The following THOC2 variants were observed in gnomAD, a reference collection of about 807,000 sequenced individuals.
THOC2 encodes THO complex subunit 2.
THOC2 carries 10 observed loss-of-function variants against 128.4 expected under a neutral mutation model. The ratio of observed to expected loss-of-function variants is 0.08; its 90% CI spans 0.05 to 0.13. The LOEUF is 0.13. Ranked by LOEUF, THOC2 falls within the 10% of genes least tolerant of loss-of-function variation. The pLI, the probability that THOC2 is intolerant of heterozygous loss-of-function variation, is 1.00. For missense variants in THOC2, 535 were observed against 1,155.7 expected, an observed-to-expected ratio of 0.46 and a Z score of 7.79; for synonymous variants, 393 against 396.9, an observed-to-expected ratio of 0.99 and a Z score of 0.12.
At chrX:123,730,598 C>T (rs1179052943) in intron 1 of THOC2, among the ~76,000 whole-genome samples, 1 of 112,085 alleles carries the variant, frequency 8.9e-6, no homozygotes, top group East Asian at 2.8e-4. Flanking sequence ...CGATCTCCTA[C>T]ATCACTTTTT....
In THOC2 at chrX:123,631,745, A is replaced by G; in HGVS notation, c.2424T>C (p.His808=). ...PSIDVLCNEF[H]TPHDAAFFLS... ...GGAAAAATGCTGCATCATGGGGTGT[A>G]TGAAATTCATTACAGAGTACATCAA... Residue 808 remains histidine, a synonymous_variant, in exon 22 of 39, where the codon CAT becomes CAC. Coordinates refer to ENST00000245838, the MANE Select transcript of THOC2 (RefSeq NM_001081550.2). 1 of 1,210,006 alleles carries G rather than the reference A, an allele frequency of 8.3e-7. No homozygotes were observed. The highest frequency in any genetic ancestry group is 1.1e-6 in the Non-Finnish European group (1 of 893,878).
At chrX:123,658,572 T>G (rs1301405298) in intron 12 of THOC2, among the ~76,000 whole-genome samples, 1 of 112,223 alleles carries the variant, frequency 8.9e-6, no homozygotes, top group Non-Finnish European at 1.9e-5. Flanking sequence ...ATGTGTATAA[T>G]TTTACTAAGT....
intron 33 of THOC2, among the ~76,000 whole-genome samples, chrX:123,618,323 C>T (rs749973006): frequency 1.4e-4 from 16 of 111,879 alleles, no homozygotes; most frequent in Non-Finnish European, 2.6e-4. Flanking sequence ...CTTCTCCCAG[C>T]ATAGCTGAGA....
intron 1 of THOC2, among the ~76,000 whole-genome samples, chrX:123,721,213 C>G (rs749378079): frequency 9.1e-6 from 1 of 109,333 alleles, no homozygotes; most frequent in African/African-American, 3.3e-5. Flanking sequence ...TGCTCTGTCT[C>G]CCAGGCTGGA....
intron 8 of THOC2, among the ~76,000 whole-genome samples, chrX:123,675,374 C>T (rs893080025): frequency 9.0e-6 from 1 of 111,628 alleles, no homozygotes; most frequent in Non-Finnish European, 1.9e-5. Context: ...GGCACAGTGA[C>T]TCACACCTGT....
chrX:123,622,595 C>G (rs2047127100), intron 30 of THOC2, among the ~76,000 whole-genome samples, 163 bp downstream of exon 30: 1 of 111,507 alleles, frequency 9.0e-6, no homozygotes, highest in Non-Finnish European at 1.9e-5. Flanking sequence ...GCTCATGCCT[C>G]TAATTCCAGC....
At chrX:123,700,513 TGGGGGCGGCGGGG>T (rs1470398987) in intron 4 of THOC2, among the ~76,000 whole-genome samples, 1 of 7,708 alleles carries the variant, frequency 1.3e-4, no homozygotes, top group Non-Finnish European at 2.3e-4. Context: ...GGGGCGGGGC[TGGGGGCGGCGGGG>T]GGGAGGTGGT....
chrX:123,730,317 TAC>T (rs2052182838), intron 1 of THOC2, among the ~76,000 whole-genome samples: 1 of 111,574 alleles, frequency 9.0e-6, no homozygotes, highest in Non-Finnish European at 1.9e-5. Context: ...TAGCTGGGAT[TAC>T]AGGCATGTGC....
intron 12 of THOC2, among the ~76,000 whole-genome samples, chrX:123,648,932 C>T (rs910863455): frequency 1.7e-4 from 19 of 112,155 alleles, no homozygotes; most frequent in Admixed American, 5.7e-4. Flanking sequence ...CTGAAGAGGG[C>T]AGCGGATCTC....
In THOC2 at chrX:123,631,712, C is replaced by T. The variant is rs2047492486; in HGVS notation, c.2457G>A (p.Arg819=). The T allele has an allele frequency of 8.3e-7, 1 of 1,209,872 alleles. No individual in the cohort carries two copies. The highest frequency in any genetic ancestry group is 3.0e-5 in the East Asian group (1 of 33,778). ...TPHDAAFFLS[R]PMYAHHISSK... ...CCGAAATATGATGGGCATACATTGG[C>T]CTAGACAGGAAAAATGCTGCATCAT... Residue 819 remains arginine, a synonymous_variant, in exon 22 of 39, where the codon AGG becomes AGA. Transcript: ENST00000245838.
chrX:123,677,743 G>A lies in THOC2; in HGVS notation c.769-5982C>T, dbSNP rs1021810887. 7.3e-5 allele frequency among the ~76,000 whole-genome samples: 8 copies of A among 109,281 alleles called. No individual in the cohort carries two copies. In the East Asian group the frequency reaches 8.6e-4, roughly 12 times the overall value. The allele number at this position is 109,281 out of a possible 115,157, so 94.9% of individuals were successfully genotyped here. On this transcript the variant is annotated intron_variant, in intron 8 of 38. Transcript: ENST00000245838. ...AAATTAGCCAGGCTTAGTGGCAGGC[G>A]CCTGTAATCCCAGCTACTTGGGAGG...
intron 32 of THOC2, 144 bp from the exon 33 acceptor site, chrX:123,619,580 A>G (rs2047010997): frequency 9.2e-6 from 5 of 540,777 alleles, no homozygotes; most frequent in Non-Finnish European, 1.5e-5. Flanking sequence ...CAATATGAAT[A>G]TCAACAATAA....
At chrX:123,684,938 C>G (rs889285696) in intron 8 of THOC2, among the ~76,000 whole-genome samples, 5 of 112,306 alleles carry the variant, frequency 4.5e-5, no homozygotes, top group African/African-American at 1.6e-4. Flanking sequence ...AGACACTCCT[C>G]TACACCAGAG....
chrX:123,697,436 T>C (rs2050491705), intron 5 of THOC2, among the ~76,000 whole-genome samples: 1 of 112,530 alleles, frequency 8.9e-6, no homozygotes, highest in Non-Finnish European at 1.9e-5. Flanking sequence ...AGGAACTTAC[T>C]AGGTCAGGAA....
At chrX:123,646,010 C>T (rs1400823982) in intron 12 of THOC2, among the ~76,000 whole-genome samples, 1 of 111,609 alleles carries the variant, frequency 9.0e-6, no homozygotes, top group Non-Finnish European at 1.9e-5. Flanking sequence ...TGCATTTTTC[C>T]ATCCAGAGAT....
rs1402502668 is a variant in THOC2, at chrX:123,636,021, C to A, written c.2018+58G>T. 7.1e-6 allele frequency: 7 copies of A among 982,068 alleles called. No individual in the cohort carries two copies. The East Asian group carries it at 1.9e-4, about 26-fold the overall frequency. 80.9% of individuals were successfully genotyped at this position (982,068 alleles called of 1,213,427 possible). A position where few individuals can be genotyped will look rare whatever the true frequency, so the allele number is the denominator to read the frequency against. Reference sequence around the variant, plus strand: ...TTTCGGGATAACAGAGTCTCAATAACCCCAAACCACCAAAAGTACTCTATT... The same window carrying A: ...TTTCGGGATAACAGAGTCTCAATAAACCCAAACCACCAAAAGTACTCTATT... On this transcript the variant is annotated intron_variant, in intron 19 of 38. Coordinates refer to ENST00000245838, the MANE Select transcript of THOC2 (RefSeq NM_001081550.2).
chrX:123,621,050 A>C, intron 31 of THOC2, 85 bp from the exon 32 acceptor site: 1 of 1,184,111 alleles, frequency 8.4e-7, no homozygotes, highest in Admixed American at 2.3e-5. Context: ...TTGTATGACA[A>C]GTTCCCCTAG....
At chrX:123,615,665 A>T (rs769981843) in intron 33 of THOC2, among the ~76,000 whole-genome samples, 2 of 108,173 alleles carry the variant, frequency 1.8e-5, no homozygotes, top group African/African-American at 3.4e-5. Flanking sequence ...ATACACACAC[A>T]CACACACACA....
chrX:123,719,788 G>T (rs1354864972), intron 1 of THOC2, among the ~76,000 whole-genome samples: 4 of 107,483 alleles, frequency 3.7e-5, no homozygotes, highest in Non-Finnish European at 5.8e-5. Flanking sequence ...AAAAAAGAAA[G>T]AAATAGGCAT....
Sources: allele counts gnomAD v4.1 joint callset (sites outside exome capture counted in the v4.1 genomes callset), GRCh38; gene constraint gnomAD v4.1.1; transcripts MANE v1.5; gene names NCBI Gene and HGNC (gene_info 2026-07-23, HGNC 2026-07-21).